Variants in PTPRN2 observed in about 807,000 individuals in gnomAD.
The protein encoded by PTPRN2 is receptor-type tyrosine-protein phosphatase N2.
In PTPRN2, 74 loss-of-function variants were observed where a neutral mutation model predicts 118.8. That is an observed-to-expected ratio of 0.62 (90% confidence interval 0.52 to 0.76). The LOEUF (loss-of-function observed/expected upper bound fraction) is 0.76. PTPRN2 is among the 30% of genes least tolerant of loss of function. PTPRN2 has a pLI of 0.00. For missense variants in PTPRN2, 1,481 were observed against 1,394.4 expected, an observed-to-expected ratio of 1.06 and a Z score of -0.99; for synonymous variants, 641 against 608.0, an observed-to-expected ratio of 1.05 and a Z score of -0.80.
chr7:157,645,133 G>A (rs1804976289), intron 14 of PTPRN2, among the ~76,000 whole-genome samples: 1 of 152,264 alleles, frequency 6.6e-6, no homozygotes, highest in Admixed American at 6.5e-5. Flanking sequence ...GACAGCACCT[G>A]TGATTGATGT....
At chr7:158,265,439 T>A (rs1797808322) in intron 3 of PTPRN2, among the ~76,000 whole-genome samples, 1 of 151,600 alleles carries the variant, frequency 6.6e-6, no homozygotes, top group South Asian at 2.1e-4. Flanking sequence ...TGGGCACACC[T>A]GCAGGCAGGT....
rs956185551 is a variant in PTPRN2 at position 157,974,348 on chromosome 7, G to A, written c.1724-75611C>T. ...ACGGGGCTCCTCCCCAGCTCACGGGGAAATCCCCTTTAATTTCAAACAGGG... is the reference window on the plus strand; with the variant it reads ...ACGGGGCTCCTCCCCAGCTCACGGGAAAATCCCCTTTAATTTCAAACAGGG... On this transcript the variant is annotated intron_variant, in intron 11 of 22. Coordinates refer to ENST00000389418, the MANE Select transcript of PTPRN2 (RefSeq NM_002847.5). This position sits in a 1 kb window ranked among gnomAD's most constrained non-coding sequence, Gnocchi z 4.0. Among the ~76,000 whole-genome samples the A allele has an allele frequency of 2.0e-5, 3 of 152,200 alleles. No homozygotes were observed. The highest frequency in any genetic ancestry group is 4.4e-5 in the Non-Finnish European group (3 of 68,038).
rs1563479142 is a variant in PTPRN2, at chr7:158,131,075, TTATAC to T, written c.1556+2597_1556+2601del. ...ACAGACACCTGCCCAACACACACACTTATACACACACGCACATACACAGATACACA... is the reference window on the plus strand; with the variant it reads ...ACAGACACCTGCCCAACACACACACTACACACGCACATACACAGATACACA... On this transcript the variant is annotated intron_variant, in intron 9 of 22. Transcript: ENST00000389418. Among the ~76,000 whole-genome samples the T allele has an allele frequency of 4.2e-3, 86 of 20,382 alleles. 1 individual carries two copies. The South Asian group carries it at 0.09, about 21-fold the overall frequency. The allele number at this position is 20,382 out of a possible 152,430, so 13.4% of individuals were successfully genotyped here. A position where few individuals can be genotyped will look rare whatever the true frequency, so the allele number is the denominator to read the frequency against.
rs759623053 is a variant in PTPRN2, at chr7:157,578,111, G to A, written c.2526C>T (p.Ile842=). Reference sequence around the variant, plus strand: ...TCTCCGCGAGGGGTGTCAGCATGACGATCACCACGCAGCCGCTCTCCCACA... The same window carrying A: ...TCTCCGCGAGGGGTGTCAGCATGACAATCACCACGCAGCCGCTCTCCCACA... ...QMVWESGCVV[I]VMLTPLAENG... is the part of the protein sequence containing the mutation. The change falls in exon 18 of 23, where the codon ATC becomes ATT. Residue 842 remains isoleucine, a synonymous_variant. Transcript: ENST00000389418. The A allele has an allele frequency of 3.1e-6, 5 of 1,612,940 alleles. No individual in the cohort carries two copies. The highest frequency in any genetic ancestry group is 3.4e-6 in the Non-Finnish European group (4 of 1,179,542).
At chr7:157,589,316 T>C (rs998106412) in intron 17 of PTPRN2, among the ~76,000 whole-genome samples, 3 of 152,256 alleles carry the variant, frequency 2.0e-5, no homozygotes, top group Admixed American at 2.0e-4. Context: ...TAAATGGGAC[T>C]TCCTTTCTTC....
intron 2 of PTPRN2, among the ~76,000 whole-genome samples, chr7:158,330,805 T>G (rs1586296199): frequency 5.7e-5 from 6 of 105,254 alleles, no homozygotes; most frequent in Admixed American, 1.1e-4. Flanking sequence ...ACTCTCACCA[T>G]AAGAGCTGAC....
chr7:158,288,750 T>C (rs1586139087), intron 3 of PTPRN2, among the ~76,000 whole-genome samples: 1 of 152,358 alleles, frequency 6.6e-6, no homozygotes, highest in Non-Finnish European at 1.5e-5. Context: ...TTTGACTGTA[T>C]ACTTATTTTT....
chr7:157,995,320 A>T (rs1804642438), intron 11 of PTPRN2, among the ~76,000 whole-genome samples: 1 of 149,104 alleles, frequency 6.7e-6, no homozygotes, highest in East Asian at 1.9e-4. Context: ...CTTGTTCCTA[A>T]ATCAATGCCA....
At chr7:158,071,079 AGGTGCCCG>A (rs1811401804) in intron 11 of PTPRN2, among the ~76,000 whole-genome samples, 7 of 60,132 alleles carry the variant, frequency 1.2e-4, no homozygotes, top group East Asian at 4.1e-4. Flanking sequence ...GTGGTGGTGG[AGGTGCCCG>A]TGGTGGTGGA....
Position 158,532,866 on chromosome 7 carries a change from C to T in PTPRN2, c.113-43081G>A, listed in dbSNP as rs918261059. On this transcript the variant is annotated intron_variant, in intron 1 of 22. Transcript: ENST00000389418. ...GAATGTGGCCCGTGCTGCACTCTGACGCGCAGACCATCTTGATGGCTCAGG... is the reference window on the plus strand; with the variant it reads ...GAATGTGGCCCGTGCTGCACTCTGATGCGCAGACCATCTTGATGGCTCAGG... The T allele has an allele frequency of 4.8e-5, 25 of 522,954 alleles. 1 individual carries two copies. Among genetic ancestry groups the T allele is most frequent in the African/African-American group, 3.3e-4 (17 of 51,792 alleles). The allele number at this position is 522,954 out of a possible 1,614,324, so 32.4% of individuals were successfully genotyped here. A position where few individuals can be genotyped will look rare whatever the true frequency, so the allele number is the denominator to read the frequency against.
At chr7:158,313,072 G>A (rs1386958584) in intron 3 of PTPRN2, among the ~76,000 whole-genome samples, 1 of 152,032 alleles carries the variant, frequency 6.6e-6, no homozygotes, top group Non-Finnish European at 1.5e-5. Flanking sequence ...GTCTGCGTGT[G>A]GGTATCTACA....
At chr7:158,515,905 GT>G (rs1276963961) in intron 1 of PTPRN2, among the ~76,000 whole-genome samples, 1 of 152,124 alleles carries the variant, frequency 6.6e-6, no homozygotes, top group Non-Finnish European at 1.5e-5. Flanking sequence ...TTTTCCAAGA[GT>G]TCCACCTTCA....
intron 11 of PTPRN2, among the ~76,000 whole-genome samples, chr7:157,919,510 G>C (rs1156832646): frequency 6.6e-6 from 1 of 151,804 alleles, no homozygotes; most frequent in African/African-American, 2.4e-5. Flanking sequence ...AAGTAAATAG[G>C]TAACAAAAAA....
chr7:158,308,823 A>T (rs1053267187), intron 3 of PTPRN2, among the ~76,000 whole-genome samples: 4 of 152,194 alleles, frequency 2.6e-5, no homozygotes, highest in Non-Finnish European at 4.4e-5. Context: ...AAAAATTACA[A>T]GGACTATACA....
intron 2 of PTPRN2, among the ~76,000 whole-genome samples, chr7:158,362,946 G>A (rs1404480555): frequency 6.6e-6 from 1 of 152,170 alleles, no homozygotes; most frequent in African/African-American, 2.4e-5. Flanking sequence ...GTCTCAAAAC[G>A]ACGCCACTGG....
At chr7:157,791,360 C>T (rs905337028) in intron 12 of PTPRN2, among the ~76,000 whole-genome samples, 2 of 152,228 alleles carry the variant, frequency 1.3e-5, no homozygotes, top group East Asian at 1.9e-4. Context: ...AAGAAATAAG[C>T]GCCCGCGTCC....
chr7:158,379,574 G>A (rs1810801963), intron 2 of PTPRN2, among the ~76,000 whole-genome samples: 2 of 152,160 alleles, frequency 1.3e-5, no homozygotes, highest in South Asian at 2.1e-4. Flanking sequence ...CACGGGTGGA[G>A]CAGGGTTCCT....
chr7:157,823,764 A>G (rs1806998853), intron 12 of PTPRN2, among the ~76,000 whole-genome samples: 1 of 152,200 alleles, frequency 6.6e-6, no homozygotes, highest in South Asian at 2.1e-4. Flanking sequence ...TACCTTAAAC[A>G]TCTGGGGATT....
At chr7:157,786,638 G>A (rs1053717180) in intron 12 of PTPRN2, among the ~76,000 whole-genome samples, 5 of 152,220 alleles carry the variant, frequency 3.3e-5, no homozygotes, top group East Asian at 1.9e-4. Flanking sequence ...GATAGAGGAC[G>A]GTGAGGCGCT....
Sources: allele counts gnomAD v4.1 joint callset (sites outside exome capture counted in the v4.1 genomes callset), GRCh38; gene constraint gnomAD v4.1.1; non-coding constraint Gnocchi (gnomAD v3.1); transcripts MANE v1.5; gene names NCBI Gene and HGNC (gene_info 2026-07-23, HGNC 2026-07-21).